The following VSNL1 variants were observed in gnomAD, a reference collection of about 807,000 sequenced individuals.
VSNL1 encodes the protein visinin-like protein 1.
In VSNL1, 6 loss-of-function variants were observed where a neutral mutation model predicts 20.4. The ratio of observed to expected loss-of-function variants is 0.29; its 90% confidence interval spans 0.16 to 0.58. The LOEUF (loss-of-function observed/expected upper bound fraction) is 0.58. VSNL1 is among the 20% of genes least tolerant of loss of function. The pLI is 0.90. For synonymous variants in VSNL1, 93 were observed against 86.4 expected (o/e 1.08, Z -0.42); for missense variants, 100 against 234.5 (o/e 0.43, Z 3.75).
chr2:17,655,600 TAAAAC>T lies in VSNL1; in HGVS notation c.*215_*219del. On this transcript the variant is annotated 3_prime_UTR_variant, in exon 4 of 4. Transcript: ENST00000295156. This position sits in a 1 kb window ranked among gnomAD's most constrained non-coding sequence, Gnocchi z 5.2. ...TGCTAATGAATTTTAAAAGCATATA[TAAAAC>T]AAAACAAACAACCTGCCACAATGTG... 1.8e-6 allele frequency: 1 copy of T among 546,694 alleles called. No homozygotes were observed. 33.9% of individuals were successfully genotyped at this position (546,694 alleles called of 1,614,324 possible). A position where few individuals can be genotyped will look rare whatever the true frequency, so the allele number is the denominator to read the frequency against.
At chr2:17,653,015 G>T (rs571683121) in intron 3 of VSNL1, among the ~76,000 whole-genome samples, 2 of 152,332 alleles carry the variant, frequency 1.3e-5, no homozygotes, top group African/African-American at 4.8e-5. Context: ...ACTGTCAGTT[G>T]TAAAGTCTGA....
chr2:17,548,738 A>C (rs1225163875), intron 1 of VSNL1, among the ~76,000 whole-genome samples: 1 of 152,066 alleles, frequency 6.6e-6, no homozygotes, highest in Non-Finnish European at 1.5e-5. Flanking sequence ...TTTTCCAAGT[A>C]TATCTTCCTA....
At chr2:17,557,842 A>G (rs1396242417) in intron 1 of VSNL1, among the ~76,000 whole-genome samples, 1 of 152,120 alleles carries the variant, frequency 6.6e-6, no homozygotes, top group African/African-American at 2.4e-5. Flanking sequence ...AGATAAAGAA[A>G]TTTACAAGCA....
chr2:17,603,295 T>C (rs1428554940), intron 2 of VSNL1, among the ~76,000 whole-genome samples: 1 of 152,240 alleles, frequency 6.6e-6, no homozygotes, highest in African/African-American at 2.4e-5. Context: ...CAGTGTCTGC[T>C]GAGGGCCCCC....
At chr2:17,620,638 A>T (rs1000472733) in intron 2 of VSNL1, among the ~76,000 whole-genome samples, 1 of 152,218 alleles carries the variant, frequency 6.6e-6, no homozygotes, top group Admixed American at 6.5e-5. Flanking sequence ...AGTGGGTGGG[A>T]AGGTGAGCAT....
rs902212208 is a variant in VSNL1, at chr2:17,656,590, A to AT, written c.*1201dup. 2.4e-4 allele frequency: 36 copies of AT among 150,898 alleles called. No individual in the cohort carries two copies. The highest frequency in any genetic ancestry group is 7.0e-4 in the African/African-American group (28 of 40,244). The allele number at this position is 150,898 out of a possible 1,614,324, so 9.3% of individuals were successfully genotyped here. Reference sequence around the variant, plus strand: ...TAGGCAAAAAATAACAGAAGTAGCTATTTTTAATAACAGAACAGAACTCTG... The same window carrying AT: ...TAGGCAAAAAATAACAGAAGTAGCTATTTTTTAATAACAGAACAGAACTCTG... On this transcript the variant is annotated 3_prime_UTR_variant, in exon 4 of 4. Transcript: ENST00000295156.
rs79392350 is a variant in VSNL1, at chr2:17,644,751, C to T, written c.163-4659C>T. On this transcript the variant is annotated intron_variant, in intron 2 of 3. Transcript: ENST00000295156. ...GCTTAGAGCCTTGTTCCACGAGACACACTCATGAAACAATAACTACTGTCT... is the reference window on the plus strand; with the variant it reads ...GCTTAGAGCCTTGTTCCACGAGACATACTCATGAAACAATAACTACTGTCT... Among the ~76,000 whole-genome samples, 645 of 152,338 alleles carry T rather than the reference C, an allele frequency of 4.2e-3. 7 individuals carry two copies. The highest frequency in any genetic ancestry group is 0.014 in the African/African-American group (601 of 41,568).
At chr2:17,579,847 G>A (rs1486912929) in intron 1 of VSNL1, among the ~76,000 whole-genome samples, 1 of 152,150 alleles carries the variant, frequency 6.6e-6, no homozygotes, top group Admixed American at 6.5e-5. Flanking sequence ...CAGTCTTTTA[G>A]GATTCACAGG....
chr2:17,587,113 GT>G lies in VSNL1; in HGVS notation c.-5-4953del, dbSNP rs1452783236. ...TGCTCTCAGCCCTATTTCCAAGGTT[GT>G]TTTCCCACTGCTGTGTTTATCCTGC... is the stretch of plus-strand genomic sequence containing the variant. On this transcript the variant is annotated intron_variant, in intron 1 of 3. Coordinates refer to ENST00000295156, the MANE Select transcript of VSNL1 (RefSeq NM_003385.5). 2.6e-5 allele frequency among the ~76,000 whole-genome samples: 4 copies of G among 152,220 alleles called. No homozygotes were observed. In the East Asian group the frequency reaches 5.8e-4, roughly 22 times the overall value.
chr2:17,551,997 G>A (rs1663549694), intron 1 of VSNL1, among the ~76,000 whole-genome samples: 1 of 150,712 alleles, frequency 6.6e-6, no homozygotes, highest in East Asian at 2.0e-4. Flanking sequence ...AGGAGATCGA[G>A]ACCATCCTGG....
rs959525414 is a variant in VSNL1 at position 17,634,940 on chromosome 2, G to A, written c.163-14470G>A. Among the ~76,000 whole-genome samples, 29 of 152,024 alleles carry A rather than the reference G, an allele frequency of 1.9e-4. No homozygotes were observed. Among genetic ancestry groups the A allele is most frequent in the African/African-American group, 6.5e-4 (27 of 41,364 alleles). ...TAACTGGCAGCTCGACCCCTAGCTC[G>A]TTTGAACACACATACACACGTACAC... On this transcript the variant is annotated intron_variant, in intron 2 of 3. Transcript: ENST00000295156. The surrounding 1 kb of genome is among the most constrained non-coding windows in gnomAD (Gnocchi z 4.3).
chr2:17,612,750 T>A (rs1348489606), intron 2 of VSNL1, among the ~76,000 whole-genome samples: 7 of 152,208 alleles, frequency 4.6e-5, no homozygotes, highest in Non-Finnish European at 1.0e-4. Context: ...GGCTTTAACA[T>A]GTTGCTGGAA....
Position 17,649,351 on chromosome 2 carries a change from C to T in VSNL1, c.163-59C>T, listed in dbSNP as rs1666073638. On this transcript the variant is annotated intron_variant, in intron 2 of 3. Coordinates refer to ENST00000295156, the MANE Select transcript of VSNL1 (RefSeq NM_003385.5). This position sits in a 1 kb window ranked among gnomAD's most constrained non-coding sequence, Gnocchi z 6.4. ...CTGTGATGCCGTCATTAGGAACCTA[C>T]CTCGTCGCCCCGATTCCATCCCCTC... The T allele has an allele frequency of 1.3e-6, 2 of 1,545,926 alleles. No homozygotes were observed. The highest frequency in any genetic ancestry group is 2.2e-5 in the East Asian group (1 of 44,510).
intron 2 of VSNL1, among the ~76,000 whole-genome samples, chr2:17,609,259 G>T (rs1315102921): frequency 1.3e-5 from 2 of 152,170 alleles, no homozygotes; most frequent in Non-Finnish European, 2.9e-5. Flanking sequence ...GTAGGAAGGA[G>T]AAGACAGAGG....
At chr2:17,590,923 T>G (rs1310566445) in intron 1 of VSNL1, among the ~76,000 whole-genome samples, 1 of 152,198 alleles carries the variant, frequency 6.6e-6, no homozygotes, top group African/African-American at 2.4e-5. Context: ...ATTTTCCAAT[T>G]TTCAAGTTTA....
intron 1 of VSNL1, among the ~76,000 whole-genome samples, chr2:17,580,640 C>T (rs192756487): frequency 1.3e-5 from 2 of 152,324 alleles, no homozygotes; most frequent in East Asian, 3.9e-4. Context: ...GTTTCTGCCT[C>T]ACCTAATTCA....
At chr2:17,609,491 A>G (rs1000529720) in intron 2 of VSNL1, among the ~76,000 whole-genome samples, 7 of 152,228 alleles carry the variant, frequency 4.6e-5, no homozygotes, top group African/African-American at 1.7e-4. Context: ...CTCAGTGGGT[A>G]CATTTTTGGA....
At chr2:17,589,759 A>G (rs1050487618) in intron 1 of VSNL1, among the ~76,000 whole-genome samples, 6 of 152,236 alleles carry the variant, frequency 3.9e-5, no homozygotes, top group Admixed American at 1.3e-4. Context: ...CTTGCCTAAC[A>G]AAGAAGCTGA....
At chr2:17,588,167 G>C (rs1664521839) in intron 1 of VSNL1, among the ~76,000 whole-genome samples, 1 of 152,184 alleles carries the variant, frequency 6.6e-6, no homozygotes, top group Non-Finnish European at 1.5e-5. Flanking sequence ...TCCGGTTTCT[G>C]TCCCCTCCCT....
Sources: allele counts gnomAD v4.1 joint callset (sites outside exome capture counted in the v4.1 genomes callset), GRCh38; gene constraint gnomAD v4.1.1; non-coding constraint Gnocchi (gnomAD v3.1); transcripts MANE v1.5; gene names NCBI Gene and HGNC (gene_info 2026-07-23, HGNC 2026-07-21).